The following USP34 variants were observed in gnomAD, a reference collection of about 807,000 sequenced individuals.
The protein encoded by USP34 is ubiquitin specific peptidase 34, also known as ubiquitin carboxyl-terminal hydrolase 34.
In USP34, 70 loss-of-function variants were observed where a neutral mutation model predicts 460.3. That is an observed-to-expected ratio of 0.15 (90% confidence interval 0.13 to 0.19). The LOEUF is 0.19. Among genes scored for constraint, USP34 ranks in the 10% least tolerant of loss-of-function variants. The probability of loss-of-function intolerance (pLI) is 1.00; values close to 1 mark genes in which losing one functional copy is unlikely to be tolerated. For missense variants in USP34, 3,985 were observed against 4,236.2 expected, an observed-to-expected ratio of 0.94 and a Z score of 1.65; for synonymous variants, 1,647 against 1,405.3, an observed-to-expected ratio of 1.17 and a Z score of -3.85.
intron 25 of USP34, among the ~76,000 whole-genome samples, chr2:61,313,408 T>G (rs1690654313): frequency 6.6e-6 from 1 of 152,104 alleles, no homozygotes; most frequent in Non-Finnish European, 1.5e-5. Context: ...ACTAAGGGTG[T>G]GAATCAACAG....
chr2:61,307,737 G>A (rs1256021824), intron 27 of USP34, among the ~76,000 whole-genome samples: 1 of 152,040 alleles, frequency 6.6e-6, no homozygotes, highest in Non-Finnish European at 1.5e-5. Flanking sequence ...AGCTTTAAAG[G>A]AAGTTTATTA....
At chr2:61,398,727 TTAGA>T (rs763779263) in intron 3 of USP34, among the ~76,000 whole-genome samples, 65 of 152,322 alleles carry the variant, frequency 4.3e-4, no homozygotes, top group Non-Finnish European at 7.6e-4. Context: ...ATCACCTATT[TTAGA>T]TATTTAAGTT....
At chr2:61,446,414 A>G (rs112789210) in intron 1 of USP34, among the ~76,000 whole-genome samples, 1,698 of 152,324 alleles carry the variant, frequency 0.011, 28 homozygotes, top group African/African-American at 0.039. Flanking sequence ...TTCTTCTTCA[A>G]TATTACACCA....
chr2:61,386,194 C>T (rs1693139750), intron 5 of USP34, among the ~76,000 whole-genome samples: 1 of 151,998 alleles, frequency 6.6e-6, no homozygotes, highest in Admixed American at 6.6e-5. Context: ...AGTGATGAGG[C>T]ATGAGTCACC....
chr2:61,222,538 C>A, intron 65 of USP34, 81 bp downstream of exon 65: 2 of 1,160,290 alleles, frequency 1.7e-6, no homozygotes, highest in South Asian at 1.4e-5. Flanking sequence ...AATTTGTTCT[C>A]GAGAACAATT....
At chr2:61,213,938 T>C (rs747144328) in intron 68 of USP34, 122 bp downstream of exon 68, 36 of 1,192,712 alleles carry the variant, frequency 3.0e-5, no homozygotes, top group Non-Finnish European at 4.2e-5. Context: ...CAAATACACA[T>C]TAAGTTCTTA....
intron 63 of USP34, 41 bp from the exon 64 acceptor site, chr2:61,223,205 T>C (rs778586825): frequency 6.2e-7 from 1 of 1,613,416 alleles, no homozygotes; most frequent in East Asian, 2.2e-5. Flanking sequence ...ACCGTTATTA[T>C]TTTTGTGATG....
At chr2:61,237,347 G>A (rs1158156174) in intron 53 of USP34, among the ~76,000 whole-genome samples, 5 of 152,062 alleles carry the variant, frequency 3.3e-5, no homozygotes, top group Non-Finnish European at 7.3e-5. Flanking sequence ...CTCAGTTGTA[G>A]ATTCTGTGTC....
chr2:61,319,129 G>A, intron 22 of USP34, 44 bp downstream of exon 22: 1 of 1,502,652 alleles, frequency 6.7e-7, no homozygotes, highest in Non-Finnish European at 8.8e-7. Flanking sequence ...AGATGAAAAA[G>A]GGAACATGGA....
At chr2:61,408,527 A>G (rs1693947268) in intron 2 of USP34, among the ~76,000 whole-genome samples, 1 of 152,150 alleles carries the variant, frequency 6.6e-6, no homozygotes, top group Admixed American at 6.5e-5. Flanking sequence ...ACAAGAAGAA[A>G]AATAAACACA....
chr2:61,261,305 A>G (rs1688871018), intron 43 of USP34, among the ~76,000 whole-genome samples: 1 of 152,258 alleles, frequency 6.6e-6, no homozygotes, highest in African/African-American at 2.4e-5. Flanking sequence ...TAAATACAAT[A>G]AATTATAATT....
intron 3 of USP34, among the ~76,000 whole-genome samples, chr2:61,401,087 G>A (rs1363631912): frequency 3.5e-5 from 5 of 143,132 alleles, no homozygotes. Context: ...GGAGGCAGAG[G>A]TTGCAGTGAG....
intron 21 of USP34, among the ~76,000 whole-genome samples, chr2:61,323,415 T>G (rs1690988296): frequency 6.7e-6 from 1 of 149,708 alleles, no homozygotes; most frequent in Non-Finnish European, 1.5e-5. Flanking sequence ...CTTGGGAGGC[T>G]GAGGCAAGAG....
At chr2:61,313,248 C>T (rs986676791) in intron 25 of USP34, among the ~76,000 whole-genome samples, 1 of 150,344 alleles carries the variant, frequency 6.7e-6, no homozygotes, top group East Asian at 1.9e-4. Context: ...TTTTTTTTCA[C>T]AACAGAAAAA....
chr2:61,420,313 T>C (rs1694319255), intron 2 of USP34, among the ~76,000 whole-genome samples: 1 of 152,190 alleles, frequency 6.6e-6, no homozygotes, highest in Non-Finnish European at 1.5e-5. Context: ...TTATTTCCTA[T>C]AGTCTCAATA....
chr2:61,216,264 T>C (rs1687393513), intron 67 of USP34, among the ~76,000 whole-genome samples: 1 of 152,190 alleles, frequency 6.6e-6, no homozygotes, highest in South Asian at 2.1e-4. Flanking sequence ...TGATCAATTT[T>C]TGCATAAAAC....
At chr2:61,351,956 T>C (rs1047795606) in intron 10 of USP34, among the ~76,000 whole-genome samples, 4 of 152,202 alleles carry the variant, frequency 2.6e-5, no homozygotes, top group South Asian at 2.1e-4. Context: ...AATTTAAATA[T>C]AGTATTAAAT....
chr2:61,223,598 C>A, intron 62 of USP34: 1 of 247,174 alleles, frequency 4.0e-6, no homozygotes. Flanking sequence ...GACATGAGAC[C>A]CTTCAAAACC....
intron 2 of USP34, among the ~76,000 whole-genome samples, chr2:61,409,174 T>G (rs147214995): frequency 6.6e-6 from 1 of 152,002 alleles, no homozygotes; most frequent in African/African-American, 2.4e-5. Context: ...CAGCCAAGAT[T>G]GCACCACTGC....
Sources: allele counts gnomAD v4.1 joint callset (sites outside exome capture counted in the v4.1 genomes callset), GRCh38; gene constraint gnomAD v4.1.1; transcripts MANE v1.5; gene names NCBI Gene and HGNC (gene_info 2026-07-23, HGNC 2026-07-21).